AFAP1L2: variants seen among roughly 807,000 people sequenced by gnomAD.
AFAP1L2 encodes actin filament-associated protein 1-like 2.
A neutral mutation model predicts 99.3 loss-of-function variants in AFAP1L2; 46 were observed. The ratio of observed to expected loss-of-function variants is 0.46; its 90% CI spans 0.37 to 0.59. The LOEUF is 0.59. Among genes scored for constraint, AFAP1L2 ranks in the 20% least tolerant of loss-of-function variants. The pLI is 0.00. For synonymous variants in AFAP1L2, 397 were observed against 419.1 expected (o/e 0.95, Z 0.64); for missense variants, 959 against 1,034.9 (o/e 0.93, Z 1.01).
chr10:114,293,634 T>C (rs1202550194), downstream of AFAP1L2, among the ~76,000 whole-genome samples: 4 of 152,232 alleles, frequency 2.6e-5, no homozygotes, highest in Non-Finnish European at 4.4e-5. Context: ...TAATTACTTA[T>C]TCAAATAAGA....
rs184992566 is a variant in AFAP1L2, at chr10:114,332,283, G to A, written c.221-386C>T. ...TTTACCCAGAAGGCAAGTGACCCCC[G>A]CCAGAGTGGCCAACCTCATCTGGAT... On this transcript the variant is annotated intron_variant, in intron 3 of 18. Transcript: ENST00000304129. Among the ~76,000 whole-genome samples the A allele has an allele frequency of 2.0e-5, 3 of 152,326 alleles. No individual in the cohort carries two copies. The East Asian group carries it at 5.8e-4, about 29-fold the overall frequency.
chr10:114,313,329 G>A (rs1264394904), intron 7 of AFAP1L2, among the ~76,000 whole-genome samples: 1 of 152,154 alleles, frequency 6.6e-6, no homozygotes, highest in South Asian at 2.1e-4. Context: ...ATCACACCCA[G>A]GGACGCGTGG....
intron 7 of AFAP1L2, among the ~76,000 whole-genome samples, chr10:114,312,234 AGT>A (rs58275552): frequency 0.034 from 4,893 of 145,424 alleles, 280 homozygotes; most frequent in African/African-American, 0.11. Context: ...GCAAGAGCAG[AGT>A]GTGTGTGTGT....
At chr10:114,289,340 A>G in the AFAP1L2 span, 14 of 1,614,120 alleles carry the variant, frequency 8.7e-6, 1 homozygote, top group East Asian at 6.7e-5. Context: ...CTGAGGAACA[A>G]TGGCATCTCT....
intron 1 of AFAP1L2, among the ~76,000 whole-genome samples, chr10:114,370,337 G>A (rs957776962): frequency 6.6e-6 from 1 of 152,216 alleles, no homozygotes; most frequent in African/African-American, 2.4e-5. Flanking sequence ...TATTTTCGTG[G>A]TTGCTAAAAA....
chr10:114,325,969 C>G (rs11818343), intron 4 of AFAP1L2: 2 of 1,289,370 alleles, frequency 1.6e-6, no homozygotes, highest in Non-Finnish European at 2.0e-6. Context: ...CAAGAAACTC[C>G]GTTCCCGTCA....
At chr10:114,383,128 A>C (rs1406098954) in intron 1 of AFAP1L2, among the ~76,000 whole-genome samples, 1 of 152,216 alleles carries the variant, frequency 6.6e-6, no homozygotes, top group East Asian at 1.9e-4. Context: ...GAAAGAAAAA[A>C]AGTTGTATAT....
At chr10:114,385,785 T>A (rs1032455018) in intron 1 of AFAP1L2, among the ~76,000 whole-genome samples, 5 of 152,150 alleles carry the variant, frequency 3.3e-5, no homozygotes, top group Non-Finnish European at 5.9e-5. Context: ...CCAGGGGACA[T>A]CTCCCTGAGC....
chr10:114,300,615 G>A lies in AFAP1L2; in HGVS notation c.1618C>T (p.Leu540Phe). Residue 540 changes from leucine (L) to phenylalanine (F), a missense_variant, in exon 14 of 19, where the codon CTC becomes TTC. By Grantham distance (22) the Leu-to-Phe change is conservative. This residue lies in a region of AFAP1L2 where 576 missense variants were observed against 562.1 expected (regional missense o/e 1.02). Coordinates refer to ENST00000304129, the MANE Select transcript of AFAP1L2 (RefSeq NM_001001936.3). ...TGCAGAAAGGACTTGACAGGTGTGA[G>A]GTCCAGGTACACTCGGTCAGATTCT... ...ERESDRVYLD[L>F]TPVKSFLHGP... 6.2e-7 allele frequency: 1 copy of A among 1,614,046 alleles called. No individual in the cohort carries two copies. The highest frequency in any genetic ancestry group is 8.5e-7 in the Non-Finnish European group (1 of 1,179,974).
At chr10:114,352,881 G>A (rs1389123116) in intron 1 of AFAP1L2, among the ~76,000 whole-genome samples, 1 of 152,224 alleles carries the variant, frequency 6.6e-6, no homozygotes, top group Non-Finnish European at 1.5e-5. Context: ...CATTGCCCTA[G>A]AAGGAATAAT....
At chr10:114,291,290 C>T (rs996643300), downstream of AFAP1L2, 1 of 1,530,834 alleles carries the variant, frequency 6.5e-7, no homozygotes, top group African/African-American at 1.4e-5. Context: ...CCAGCAACTA[C>T]AGAGAAGGCC....
Position 114,295,793 on chromosome 10 carries a change from T to TA in AFAP1L2, c.*248dup, listed in dbSNP as rs1407973322. 7.8e-7 allele frequency: 1 copy of TA among 1,281,246 alleles called. No homozygotes were observed. Among genetic ancestry groups the TA allele is most frequent in the Non-Finnish European group, 9.9e-7 (1 of 1,012,734 alleles). 79.4% of individuals were successfully genotyped at this position (1,281,246 alleles called of 1,614,324 possible). A position where few individuals can be genotyped will look rare whatever the true frequency, so the allele number is the denominator to read the frequency against. On this transcript the variant is annotated 3_prime_UTR_variant, in exon 19 of 19. Coordinates refer to ENST00000304129, the MANE Select transcript of AFAP1L2 (RefSeq NM_001001936.3). The stretch of plus-strand genomic sequence containing the variant: ...AAAAGAAAGAAACACAGAACATCCC[T>TA]AAATACAACGTCTTGTTTACATCCA...
chr10:114,302,344 A>AGAGT lies in AFAP1L2; in HGVS notation c.1421_1424dup (p.Leu477SerfsTer20). On this transcript the variant is annotated frameshift_variant, in exon 12 of 19. Transcript: ENST00000304129. LOFTEE classifies it high-confidence loss of function. ...GAAGGGTCCAAATTACTCACAAGAG[A>AGAGT]GAGTTTTTGGCCGCACTCACAATAC... 6.2e-7 allele frequency: 1 copy of AGAGT among 1,614,088 alleles called. No individual in the cohort carries two copies.
chr10:114,366,377 A>G (rs1332348349), intron 1 of AFAP1L2, among the ~76,000 whole-genome samples: 4 of 152,192 alleles, frequency 2.6e-5, no homozygotes, highest in African/African-American at 9.7e-5. Flanking sequence ...AGAGATGATC[A>G]ATGGAAGGGC....
chr10:114,342,973 T>C (rs1023681182), intron 1 of AFAP1L2, among the ~76,000 whole-genome samples: 8 of 152,304 alleles, frequency 5.3e-5, no homozygotes, highest in Non-Finnish European at 1.2e-4. Flanking sequence ...GTTGACTAAA[T>C]GAGTAAATGA....
At chr10:114,298,032 G>A (rs1468743843) in intron 16 of AFAP1L2, among the ~76,000 whole-genome samples, 2 of 152,174 alleles carry the variant, frequency 1.3e-5, no homozygotes, top group African/African-American at 4.8e-5. Context: ...CTCTAAAGAG[G>A]GAAGGAAAAG....
At chr10:114,285,333 G>A in the AFAP1L2 span, among the ~76,000 whole-genome samples, 7 of 152,208 alleles carry the variant, frequency 4.6e-5, no homozygotes, top group South Asian at 2.1e-4. Context: ...AAGGAGCCCC[G>A]ATTCCTTTTG....
In AFAP1L2 at chr10:114,296,058, T is replaced by C; in HGVS notation, c.2441A>G (p.Lys814Arg). 6.2e-7 allele frequency: 1 copy of C among 1,614,178 alleles called. No homozygotes were observed. The highest frequency in any genetic ancestry group is 8.5e-7 in the Non-Finnish European group (1 of 1,180,002). ...GCTTGTTTTCTAACTTGCTCCTTTC[T>C]TCTCCCATTCCTAGGGTACCATTCA... is the stretch of plus-strand genomic sequence containing the variant. ...TVLQKAKEWE[K>R]KGAS is the part of the protein sequence containing the mutation. The change falls in exon 19 of 19, where the codon AAG becomes AGG. Residue 814 changes from lysine (K) to arginine (R), a missense_variant. Lys to Arg is a conservative substitution (Grantham distance 26, BLOSUM62 2). Around this residue, in one of 2 missense-constraint regions of AFAP1L2, gnomAD observed 576 missense variants for 562.1 expected, o/e 1.02. Coordinates refer to ENST00000304129, the MANE Select transcript of AFAP1L2 (RefSeq NM_001001936.3).
rs1554946169 is a variant in AFAP1L2, at chr10:114,369,613, A to AAC, written c.17-28883_17-28882insGT. Among the ~76,000 whole-genome samples, 925 of 151,192 alleles carry AAC rather than the reference A, an allele frequency of 6.1e-3. 15 individuals are homozygous for AAC. Among genetic ancestry groups the AAC allele is most frequent in the African/African-American group, 0.021 (875 of 40,764 alleles). ...CCGACTCAAAAAAAAAAAAAAAAAA[A>AAC]AACTTTTTATTATGAAAATTTTCAT... is the stretch of plus-strand genomic sequence containing the variant. On this transcript the variant is annotated intron_variant, in intron 1 of 18. Coordinates refer to ENST00000304129, the MANE Select transcript of AFAP1L2 (RefSeq NM_001001936.3).
Sources: allele counts gnomAD v4.1 joint callset (sites outside exome capture counted in the v4.1 genomes callset), GRCh38; gene constraint gnomAD v4.1.1; regional missense constraint gnomAD v4.1.1; transcripts MANE v1.5; gene names NCBI Gene and HGNC (gene_info 2026-07-23, HGNC 2026-07-21).